The following SORCS2 variants were observed in gnomAD, a reference collection of about 807,000 sequenced individuals.
SORCS2 encodes the protein VPS10 domain-containing receptor SorCS2.
A neutral mutation model predicts 141.6 loss-of-function variants in SORCS2; 100 were observed. The observed-to-expected ratio is 0.71, with a 90% confidence interval of 0.60 to 0.83. The LOEUF (loss-of-function observed/expected upper bound fraction) is 0.83, where lower values mean the gene tolerates loss of function less well. Among genes scored for constraint, SORCS2 ranks in the 40% least tolerant of loss-of-function variants. The pLI is 0.00. For synonymous variants in SORCS2, 789 were observed against 676.9 expected (o/e 1.17, Z -2.57); for missense variants, 1,646 against 1,560.2 (o/e 1.05, Z -0.93).
chr4:7,630,909 C>T (rs967354503), intron 3 of SORCS2, among the ~76,000 whole-genome samples: 1 of 152,010 alleles, frequency 6.6e-6, no homozygotes, highest in Non-Finnish European at 1.5e-5. Flanking sequence ...TAGGGCTAAA[C>T]TTGGTAAAGG....
intron 2 of SORCS2, among the ~76,000 whole-genome samples, chr4:7,510,604 G>T (rs1323592714): frequency 6.6e-6 from 1 of 150,840 alleles, no homozygotes; most frequent in African/African-American, 2.4e-5. Context: ...TCTGTGCGCG[G>T]CATGTCCAGG....
At chr4:7,476,539 C>T (rs1467647718) in intron 2 of SORCS2, among the ~76,000 whole-genome samples, 2 of 152,138 alleles carry the variant, frequency 1.3e-5, no homozygotes, top group African/African-American at 4.8e-5. Context: ...GGAACCATAG[C>T]CTAGACAGGT....
At chr4:7,453,833 A>G (rs1260907380) in intron 2 of SORCS2, among the ~76,000 whole-genome samples, 3 of 85,358 alleles carry the variant, frequency 3.5e-5, no homozygotes, top group African/African-American at 4.9e-5. Context: ...GGGGCCAGGC[A>G]CTGTGTTGGG....
chr4:7,639,193 A>C (rs1465374753), intron 4 of SORCS2, among the ~76,000 whole-genome samples: 3 of 152,192 alleles, frequency 2.0e-5, no homozygotes, highest in Admixed American at 1.3e-4. Context: ...TAGCTTAAGC[A>C]ACAGAAACTT....
intron 2 of SORCS2, among the ~76,000 whole-genome samples, chr4:7,454,890 GCTGTGTTGGGGTCAGGCA>G (rs1728773085): frequency 8.3e-6 from 1 of 120,922 alleles, no homozygotes; most frequent in Admixed American, 8.4e-5. Context: ...GGGGTCAGGT[GCTGTGTTGGGGTCAGGCA>G]CTGTGTTGGG....
chr4:7,203,033 A>G (rs1175291500), intron 1 of SORCS2, among the ~76,000 whole-genome samples: 1 of 152,178 alleles, frequency 6.6e-6, no homozygotes, highest in Non-Finnish European at 1.5e-5. Flanking sequence ...AGCAATGGAA[A>G]ATAAGGTTCG....
chr4:7,627,612 C>G (rs1270804734), intron 3 of SORCS2, among the ~76,000 whole-genome samples: 2 of 152,228 alleles, frequency 1.3e-5, no homozygotes, highest in African/African-American at 4.8e-5. Context: ...CTCTCATTAA[C>G]TCATAATGTG....
At chr4:7,400,646 AATGGACAGATGGATGG>A (rs1476899516) in intron 2 of SORCS2, among the ~76,000 whole-genome samples, 1 of 151,922 alleles carries the variant, frequency 6.6e-6, no homozygotes, top group Admixed American at 6.6e-5. Context: ...TGGATGGATG[AATGGACAGATGGATGG>A]ATGGACAGAT....
chr4:7,201,158 C>A lies in SORCS2; in HGVS notation c.480+8032C>A, dbSNP rs1042950554. On this transcript the variant is annotated intron_variant, in intron 1 of 26. Transcript: ENST00000507866. This position sits in a 1 kb window ranked among gnomAD's most constrained non-coding sequence, Gnocchi z 4.4. ...AGGAGGTGAAGATGGAGCTGCTCTG[C>A]AGGATGAGTAGAGTCCCGGGCTGAG... 2.0e-5 allele frequency among the ~76,000 whole-genome samples: 3 copies of A among 152,156 alleles called. No homozygotes were observed. Among genetic ancestry groups the A allele is most frequent in the Non-Finnish European group, 4.4e-5 (3 of 68,040 alleles).
At chr4:7,496,858 C>T (rs1189819925) in intron 2 of SORCS2, among the ~76,000 whole-genome samples, 1 of 152,168 alleles carries the variant, frequency 6.6e-6, no homozygotes, top group Non-Finnish European at 1.5e-5. Flanking sequence ...CCGGGCACAA[C>T]TCAGCTTATC....
chr4:7,264,850 A>T (rs1714614231), intron 1 of SORCS2, among the ~76,000 whole-genome samples: 1 of 152,170 alleles, frequency 6.6e-6, no homozygotes, highest in South Asian at 2.1e-4. Flanking sequence ...GGCTGGAGCC[A>T]GAGGCCCCCG....
intron 2 of SORCS2, among the ~76,000 whole-genome samples, chr4:7,478,280 C>G (rs1054550435): frequency 2.0e-5 from 3 of 152,164 alleles, no homozygotes; most frequent in African/African-American, 7.2e-5. Context: ...CGCTTCCTTT[C>G]AGGGGCTATG....
At chr4:7,640,464 G>C (rs760158699) in intron 4 of SORCS2, among the ~76,000 whole-genome samples, 1 of 63,886 alleles carries the variant, frequency 1.6e-5, no homozygotes, top group Non-Finnish European at 3.5e-5. Flanking sequence ...GTGTATGAGC[G>C]TGTGTGTGTG....
At chr4:7,596,385 A>G (rs1717279258) in intron 3 of SORCS2, among the ~76,000 whole-genome samples, 1 of 152,122 alleles carries the variant, frequency 6.6e-6, no homozygotes, top group Non-Finnish European at 1.5e-5. Flanking sequence ...GCTGCTTTTT[A>G]TAGGGACTCG....
At chr4:7,326,359 T>A (rs1719259124) in intron 1 of SORCS2, among the ~76,000 whole-genome samples, 1 of 152,080 alleles carries the variant, frequency 6.6e-6, no homozygotes, top group African/African-American at 2.4e-5. Flanking sequence ...TCCTCGTCTG[T>A]AAAGTGGGTA....
intron 10 of SORCS2, among the ~76,000 whole-genome samples, chr4:7,684,642 C>G (rs1232068423): frequency 6.6e-6 from 1 of 152,212 alleles, no homozygotes; most frequent in African/African-American, 2.4e-5. Flanking sequence ...ATAGAAAGAA[C>G]AAAAGTACCC....
intron 1 of SORCS2, among the ~76,000 whole-genome samples, chr4:7,289,236 G>A (rs1481823760): frequency 2.6e-5 from 4 of 152,028 alleles, no homozygotes; most frequent in Non-Finnish European, 5.9e-5. Context: ...TGCAGATGGA[G>A]GTCTCTCTAC....
chr4:7,247,971 G>A (rs1040262174), intron 1 of SORCS2, among the ~76,000 whole-genome samples: 7 of 152,232 alleles, frequency 4.6e-5, no homozygotes, highest in Non-Finnish European at 7.4e-5. Flanking sequence ...ATGTATGACA[G>A]GAAGAGTCCC....
intron 2 of SORCS2, among the ~76,000 whole-genome samples, chr4:7,415,161 A>G (rs530115000): frequency 6.6e-6 from 1 of 152,368 alleles, no homozygotes; most frequent in Non-Finnish European, 1.5e-5. Context: ...GCTGGTGGCC[A>G]GGATGTCCTG....
Sources: allele counts gnomAD v4.1 joint callset (sites outside exome capture counted in the v4.1 genomes callset), GRCh38; gene constraint gnomAD v4.1.1; non-coding constraint Gnocchi (gnomAD v3.1); transcripts MANE v1.5; gene names NCBI Gene and HGNC (gene_info 2026-07-23, HGNC 2026-07-21).